Variants in FAM13B observed in about 807,000 individuals in gnomAD.
FAM13B encodes the protein family with sequence similarity 13 member B, also known as protein FAM13B.
FAM13B carries 60 observed loss-of-function variants against 117.3 expected under a neutral mutation model. The observed-to-expected ratio is 0.51, with a 90% CI of 0.42 to 0.63. The LOEUF (loss-of-function observed/expected upper bound fraction) is 0.63. FAM13B is among the 30% of genes least tolerant of loss of function. The pLI is 0.00. For missense variants in FAM13B, 972 were observed against 1,091.9 expected, an observed-to-expected ratio of 0.89 and a Z score of 1.55; for synonymous variants, 332 against 356.1, an observed-to-expected ratio of 0.93 and a Z score of 0.76.
intron 10 of FAM13B, among the ~76,000 whole-genome samples, chr5:137,971,425 CA>C (rs948552088): frequency 6.0e-5 from 9 of 149,858 alleles, no homozygotes; most frequent in Non-Finnish European, 1.3e-4. Context: ...AGAACAAAGA[CA>C]CAACATACCA....
At position 138,032,938 on chromosome 5, in the gene FAM13B, C is replaced by T; in HGVS notation, c.-359G>A. On this transcript the variant is annotated 5_prime_UTR_variant, in exon 1 of 24. Coordinates refer to ENST00000689681, the MANE Select transcript of FAM13B (RefSeq NM_001385994.1). The stretch of plus-strand genomic sequence containing the variant: ...CGGGAGGTTAAAGCTACGGCTGTGG[C>T]GCGGGGCCAGCCCGGTAAGCGACCC... The T allele has an allele frequency of 3.0e-6, 3 of 985,980 alleles. No individual in the cohort carries two copies. The highest frequency in any genetic ancestry group is 3.6e-6 in the Non-Finnish European group (3 of 830,254). The allele number at this position is 985,980 out of a possible 1,614,324, so 61.1% of individuals were successfully genotyped here.
At chr5:137,977,732 C>G (rs1774430757) in intron 10 of FAM13B, among the ~76,000 whole-genome samples, 1 of 152,220 alleles carries the variant, frequency 6.6e-6, no homozygotes, top group African/African-American at 2.4e-5. Flanking sequence ...ATTCCACACA[C>G]TGCAGCTTCT....
chr5:138,032,753 C>T, intron 1 of FAM13B, 29 bp downstream of exon 1: 1 of 985,700 alleles, frequency 1.0e-6, no homozygotes, highest in Non-Finnish European at 1.2e-6. Flanking sequence ...CGCGCATGCG[C>T]AGATCCGGGT....
chr5:137,980,735 C>A (rs1775476617), intron 10 of FAM13B, among the ~76,000 whole-genome samples: 1 of 151,746 alleles, frequency 6.6e-6, no homozygotes, highest in Admixed American at 6.6e-5. Context: ...CCACTGCGCC[C>A]AGCCTAATAC....
chr5:137,942,193 A>T, intron 22 of FAM13B, 148 bp from the exon 23 acceptor site: 2 of 646,460 alleles, frequency 3.1e-6, no homozygotes, highest in Non-Finnish European at 5.3e-6. Flanking sequence ...ATGAAATCAG[A>T]ATAGCTGAAG....
intron 10 of FAM13B, among the ~76,000 whole-genome samples, chr5:137,966,484 T>TAGAGAGAGAGAGAG (rs1203408763): frequency 5.1e-4 from 26 of 50,600 alleles, no homozygotes; most frequent in East Asian, 3.7e-3. Context: ...TATATATATA[T>TAGAGAGAGAGAGAG]ATATAGAGAG....
chr5:138,014,043 C>A (rs1463816353), intron 4 of FAM13B, among the ~76,000 whole-genome samples: 3 of 152,130 alleles, frequency 2.0e-5, no homozygotes, highest in Non-Finnish European at 2.9e-5. Context: ...CCCAAGCGAT[C>A]CTCCCACGTC....
intron 13 of FAM13B, 103 bp downstream of exon 13, chr5:137,959,513 T>A: frequency 8.4e-7 from 1 of 1,190,816 alleles, no homozygotes; most frequent in African/African-American, 1.5e-5. Context: ...AAGATCAAGA[T>A]GAATAAGGTT....
At chr5:138,047,378 C>T (rs569217000) in intron 1 of FAM13B, among the ~76,000 whole-genome samples, 7 of 151,742 alleles carry the variant, frequency 4.6e-5, no homozygotes, top group South Asian at 4.2e-4. Context: ...TGGTAGCACA[C>T]GCCTGTAGTC....
chr5:137,941,356 C>T (rs562092775), intron 23 of FAM13B, among the ~76,000 whole-genome samples: 2 of 152,246 alleles, frequency 1.3e-5, no homozygotes, highest in South Asian at 4.1e-4. Flanking sequence ...GTTTCTCAGG[C>T]CTGAGATAAC....
intron 10 of FAM13B, among the ~76,000 whole-genome samples, chr5:137,972,632 A>G (rs1440573265): frequency 6.6e-6 from 1 of 152,120 alleles, no homozygotes; most frequent in African/African-American, 2.4e-5. Context: ...GGAGAAGGAA[A>G]TAAAAGGTAT....
chr5:137,996,717 G>A lies in FAM13B; in HGVS notation c.849-8402C>T, dbSNP rs184170128. On this transcript the variant is annotated intron_variant, in intron 7 of 23. Coordinates refer to ENST00000689681, the MANE Select transcript of FAM13B (RefSeq NM_001385994.1). ...AGCGATTCTCCTGCCTCACCCTCCC[G>A]AGTAGCTGGGATTACAGGCGCTCAC... Among the ~76,000 whole-genome samples the A allele has an allele frequency of 2.3e-3, 349 of 151,846 alleles. 5 individuals carry two copies. The highest frequency in any genetic ancestry group is 0.019 in the Admixed American group (296 of 15,258).
intron 10 of FAM13B, among the ~76,000 whole-genome samples, chr5:137,979,861 G>A (rs1775132769): frequency 6.6e-6 from 1 of 151,994 alleles, no homozygotes; most frequent in Admixed American, 6.6e-5. Flanking sequence ...AGATTATCAA[G>A]TCATTGAAAA....
At chr5:138,032,408 G>A (rs1022722817) in intron 1 of FAM13B, among the ~76,000 whole-genome samples, 16 of 152,228 alleles carry the variant, frequency 1.1e-4, no homozygotes, top group African/African-American at 3.6e-4. Context: ...CCAGCATGAA[G>A]GAAGTGGGCG....
At chr5:138,016,842 G>A (rs1209231610) in intron 4 of FAM13B, among the ~76,000 whole-genome samples, 1 of 152,110 alleles carries the variant, frequency 6.6e-6, no homozygotes, top group Non-Finnish European at 1.5e-5. Context: ...AGCTAACAGA[G>A]GGAACATGGA....
Position 137,945,325 on chromosome 5 carries a change from G to A in FAM13B, c.2340+577C>T, listed in dbSNP as rs1279475703. 2.0e-5 allele frequency among the ~76,000 whole-genome samples: 3 copies of A among 152,312 alleles called. No individual in the cohort carries two copies. The East Asian group carries it at 5.8e-4, about 29-fold the overall frequency. ...CTATCTAAAGGTTAATTTGGGGACA[G>A]CACTTAATATGCATTTAAACACTAA... On this transcript the variant is annotated intron_variant, in intron 20 of 23. Coordinates refer to ENST00000689681, the MANE Select transcript of FAM13B (RefSeq NM_001385994.1).
intron 7 of FAM13B, among the ~76,000 whole-genome samples, chr5:138,002,780 C>T (rs1397910726): frequency 6.6e-6 from 1 of 150,404 alleles, no homozygotes; most frequent in Non-Finnish European, 1.5e-5. Flanking sequence ...ATTCTCCTGC[C>T]TCAGCCTCCC....
Position 137,943,180 on chromosome 5 carries a change from G to A in FAM13B, c.2377C>T (p.Gln793Ter). ...PSTKRRGQML[Q>*]PIIEGETAHF... The stretch of plus-strand genomic sequence containing the variant: ...GCAGTTTCTCCTTCTATGATTGGCT[G>A]TAACATCTGACCCCTTCGCTTGGTG... Residue 793 changes from glutamine to a stop codon, truncating the protein, a stop_gained, in exon 21 of 24, where the codon CAG becomes TAG. Coordinates refer to ENST00000689681, the MANE Select transcript of FAM13B (RefSeq NM_001385994.1). LOFTEE classifies it high-confidence loss of function. 4 of 1,614,072 alleles carry A rather than the reference G, an allele frequency of 2.5e-6. No individual in the cohort carries two copies. The highest frequency in any genetic ancestry group is 3.4e-6 in the Non-Finnish European group (4 of 1,179,986).
chr5:137,991,807 T>C (rs899642340), intron 7 of FAM13B, among the ~76,000 whole-genome samples: 3 of 152,098 alleles, frequency 2.0e-5, no homozygotes, highest in Non-Finnish European at 4.4e-5. Flanking sequence ...ACATGAAAGG[T>C]AAAATAATAA....
Sources: allele counts gnomAD v4.1 joint callset (sites outside exome capture counted in the v4.1 genomes callset), GRCh38; gene constraint gnomAD v4.1.1; transcripts MANE v1.5; gene names NCBI Gene and HGNC (gene_info 2026-07-23, HGNC 2026-07-21).